BTBD9: variants seen among roughly 807,000 people sequenced by gnomAD.
BTBD9 encodes BTB/POZ domain-containing protein 9.
BTBD9 carries 49 observed loss-of-function variants against 64.3 expected under a neutral mutation model. That is an observed-to-expected ratio of 0.76 (90% CI 0.61 to 0.97). The LOEUF (loss-of-function observed/expected upper bound fraction) is 0.97, where lower values mean the gene tolerates loss of function less well. BTBD9 is among the 50% of genes least tolerant of loss of function. The pLI, the probability that BTBD9 is intolerant of heterozygous loss-of-function variation, is 0.00. For missense variants in BTBD9, 598 were observed against 762.1 expected, an observed-to-expected ratio of 0.78 and a Z score of 2.53; for synonymous variants, 260 against 274.7, an observed-to-expected ratio of 0.95 and a Z score of 0.53.
chr6:38,502,049 T>G (rs1002273987), intron 6 of BTBD9, among the ~76,000 whole-genome samples: 82 of 152,308 alleles, frequency 5.4e-4, no homozygotes, highest in African/African-American at 1.9e-3. Context: ...TGCAATATCC[T>G]GGTGTCAATG....
chr6:38,578,435 C>T (rs992446369), intron 5 of BTBD9, among the ~76,000 whole-genome samples: 51 of 152,134 alleles, frequency 3.4e-4, no homozygotes, highest in African/African-American at 1.1e-3. Context: ...TCTATATTCC[C>T]CTGTCATAAG....
At chr6:38,624,701 A>C (rs545701828) in intron 1 of BTBD9, among the ~76,000 whole-genome samples, 1 of 152,256 alleles carries the variant, frequency 6.6e-6, no homozygotes, top group African/African-American at 2.4e-5. Context: ...AAACACTGTA[A>C]GACAGAAACA....
chr6:38,501,932 C>T (rs562264119), intron 6 of BTBD9, among the ~76,000 whole-genome samples: 2 of 152,230 alleles, frequency 1.3e-5, no homozygotes, highest in African/African-American at 4.8e-5. Flanking sequence ...TAAATATTGA[C>T]ATATCCTGCA....
chr6:38,475,023 T>C (rs1255747508), intron 6 of BTBD9, among the ~76,000 whole-genome samples: 1 of 152,210 alleles, frequency 6.6e-6, no homozygotes, highest in Non-Finnish European at 1.5e-5. Context: ...TACCTCTATA[T>C]AATGAAACAC....
Position 38,171,595 on chromosome 6 carries a change from TGTGTGTGTGA to T in BTBD9, c.*3380_*3389del, listed in dbSNP as rs1305258030. ...GTGTGTGTGTGTGTGTGTGTGTGTGTGTGTGTGTGAGAGGGAGAGACGGTGGGGGCGGGGG... is the reference window on the plus strand; with the variant it reads ...GTGTGTGTGTGTGTGTGTGTGTGTGTGAGGGAGAGACGGTGGGGGCGGGGG... On this transcript the variant is annotated 3_prime_UTR_variant, in exon 11 of 11. Coordinates refer to ENST00000481247, the MANE Select transcript of BTBD9 (RefSeq NM_001099272.2). The T allele has an allele frequency of 1.1e-3, 60 of 54,340 alleles. No homozygotes were observed. The highest frequency in any genetic ancestry group is 1.8e-3 in the African/African-American group (27 of 15,028). 3.4% of individuals were successfully genotyped at this position (54,340 alleles called of 1,614,324 possible).
intron 6 of BTBD9, among the ~76,000 whole-genome samples, chr6:38,406,885 G>C (rs937392570): frequency 1.3e-5 from 2 of 152,142 alleles, no homozygotes; most frequent in Non-Finnish European, 2.9e-5. Flanking sequence ...CTATAAGCGA[G>C]TGCCACTATG....
chr6:38,402,098 T>C (rs563140880), intron 6 of BTBD9, among the ~76,000 whole-genome samples: 2 of 152,250 alleles, frequency 1.3e-5, no homozygotes, highest in South Asian at 4.1e-4. Flanking sequence ...TCATTTACAA[T>C]AGCATCAAAA....
chr6:38,345,988 T>C (rs1198183851), intron 6 of BTBD9, among the ~76,000 whole-genome samples: 1 of 152,326 alleles, frequency 6.6e-6, no homozygotes, highest in East Asian at 1.9e-4. Context: ...CACACCGTCT[T>C]ACTGGAATTC....
intron 6 of BTBD9, among the ~76,000 whole-genome samples, chr6:38,530,232 T>A (rs994592894): frequency 2.6e-5 from 4 of 152,184 alleles, no homozygotes; most frequent in Non-Finnish European, 4.4e-5. Flanking sequence ...TTTCTGTTGT[T>A]TAAGATGTTT....
At chr6:38,335,348 G>C (rs1389724949) in intron 7 of BTBD9, among the ~76,000 whole-genome samples, 1 of 151,628 alleles carries the variant, frequency 6.6e-6, no homozygotes, top group African/African-American at 2.4e-5. Context: ...CGCCTCCTGG[G>C]TTCAAAGGAT....
chr6:38,304,167 T>C (rs1179845758), intron 7 of BTBD9, among the ~76,000 whole-genome samples: 1 of 151,498 alleles, frequency 6.6e-6, no homozygotes, highest in Admixed American at 6.6e-5. Flanking sequence ...CTACCCCAAG[T>C]CCTAAATTTC....
At position 38,457,325 on chromosome 6, in the gene BTBD9, A is replaced by T. The variant is rs533965283; in HGVS notation, c.1155-112232T>A. ...TAAATACTTTACTGGAAGACCAAGC[A>T]AGAAGACCAGTTAGAAGGCTCCCAC... On this transcript the variant is annotated intron_variant, in intron 6 of 10. Coordinates refer to ENST00000481247, the MANE Select transcript of BTBD9 (RefSeq NM_001099272.2). 4.6e-5 allele frequency among the ~76,000 whole-genome samples: 7 copies of T among 152,338 alleles called. No homozygotes were observed. The East Asian group carries it at 1.3e-3, about 29-fold the overall frequency.
intron 6 of BTBD9, among the ~76,000 whole-genome samples, chr6:38,517,790 A>T (rs763211603): frequency 6.6e-6 from 1 of 152,194 alleles, no homozygotes. Context: ...AGCAAAAGCT[A>T]GCTGGCTCTA....
rs1762800636 is a variant in BTBD9, at chr6:38,210,571, T to C, written c.1563-17974A>G. Among the ~76,000 whole-genome samples the C allele has an allele frequency of 2.0e-5, 3 of 148,862 alleles. No individual in the cohort carries two copies. The East Asian group carries it at 5.8e-4, about 29-fold the overall frequency. ...GTGTGTGTGTGTGTGTGTGTGTGTG[T>C]GTGTGTCTGCATCTGGGCAAGAGTT... On this transcript the variant is annotated intron_variant, in intron 9 of 10. Coordinates refer to ENST00000481247, the MANE Select transcript of BTBD9 (RefSeq NM_001099272.2).
chr6:38,564,896 A>T (rs1455364964), intron 6 of BTBD9, among the ~76,000 whole-genome samples: 1 of 152,134 alleles, frequency 6.6e-6, no homozygotes, highest in Non-Finnish European at 1.5e-5. Flanking sequence ...TGTCTCAAAA[A>T]AAATAAATAA....
chr6:38,374,283 G>GTATATATATATATATATATATATA (rs57568036), intron 6 of BTBD9, among the ~76,000 whole-genome samples: 9 of 45,454 alleles, frequency 2.0e-4, no homozygotes, highest in African/African-American at 4.8e-4. Context: ...AAAAAAAAAA[G>GTATATATATATATATATATATATA]TATATATATA....
At chr6:38,192,691 C>T in intron 9 of BTBD9, 94 bp from the exon 10 acceptor site, 1 of 1,123,228 alleles carries the variant, frequency 8.9e-7, no homozygotes, top group Non-Finnish European at 1.3e-6. Context: ...GGAGGGAGGG[C>T]TTCCTGTCCT....
chr6:38,623,132 C>T (rs1296511402), intron 1 of BTBD9, among the ~76,000 whole-genome samples: 5 of 152,168 alleles, frequency 3.3e-5, no homozygotes, highest in East Asian at 1.9e-4. Flanking sequence ...TTTTAACATA[C>T]ACAACCAGTT....
chr6:38,465,753 A>ATATATATGTG (rs1554158495), intron 6 of BTBD9, among the ~76,000 whole-genome samples: 1 of 39,714 alleles, frequency 2.5e-5, no homozygotes, highest in African/African-American at 9.8e-5. Flanking sequence ...ATATATATAT[A>ATATATATGTG]TATGTATGTA....
Sources: gnomAD v4.1 joint callset for allele counts (sites outside exome capture counted in the v4.1 genomes callset) on GRCh38, gnomAD v4.1.1 for gene constraint, MANE v1.5 for transcripts, NCBI Gene and HGNC (gene_info 2026-07-23, HGNC 2026-07-21) for gene names.